Variants in RBFOX1 observed in about 807,000 individuals in gnomAD.
RBFOX1 encodes RNA binding protein fox-1 homolog 1.
Under a neutral mutation model 57.7 loss-of-function variants are expected in RBFOX1, and 8 were observed. The observed-to-expected ratio is 0.14, with a 90% confidence interval of 0.08 to 0.25. The LOEUF is 0.25. Ranked by LOEUF, RBFOX1 falls within the 10% of genes least tolerant of loss-of-function variation. The pLI is 1.00. For missense variants in RBFOX1, 611 were observed against 548.5 expected, an observed-to-expected ratio of 1.11 and a Z score of -1.14; for synonymous variants, 326 against 222.4, an observed-to-expected ratio of 1.47 and a Z score of -4.15.
At chr16:5,920,551 C>T (rs1459972139) in intron 4 of RBFOX1, among the ~76,000 whole-genome samples, 1 of 152,104 alleles carries the variant, frequency 6.6e-6, no homozygotes, top group African/African-American at 2.4e-5. Flanking sequence ...CCATGGTAGC[C>T]TTGACCTGGC....
chr16:5,569,437 CCT>C (rs2046192001), intron 2 of RBFOX1, among the ~76,000 whole-genome samples: 2 of 58,618 alleles, frequency 3.4e-5, no homozygotes, highest in African/African-American at 1.2e-4. Flanking sequence ...TAAGAAGTAA[CCT>C]TTTTTTTTTT....
chr16:5,575,965 G>A (rs1217881853), intron 2 of RBFOX1, among the ~76,000 whole-genome samples: 2 of 151,128 alleles, frequency 1.3e-5, no homozygotes, highest in East Asian at 1.9e-4. Context: ...GAGGGATAGA[G>A]AGATTTGCAG....
intron 2 of RBFOX1, among the ~76,000 whole-genome samples, chr16:6,615,580 A>AG (rs1346471616): frequency 6.6e-6 from 1 of 152,154 alleles, no homozygotes; most frequent in East Asian, 1.9e-4. Flanking sequence ...AAAAAAAAAA[A>AG]AAATCCTCTG....
intron 4 of RBFOX1, among the ~76,000 whole-genome samples, chr16:7,199,079 G>A (rs56059537): frequency 0.098 from 14,952 of 152,172 alleles, 798 homozygotes; most frequent in Non-Finnish European, 0.11. Flanking sequence ...CCACAGGTCC[G>A]TCCTCCTCCC....
intron 4 of RBFOX1, among the ~76,000 whole-genome samples, chr16:7,446,467 A>T (rs2098808427): frequency 6.6e-6 from 1 of 152,202 alleles, no homozygotes; most frequent in Non-Finnish European, 1.5e-5. Context: ...GTGAGTGCTC[A>T]CATTTGCCTG....
chr16:7,122,903 G>A (rs1196833816), intron 4 of RBFOX1, among the ~76,000 whole-genome samples: 1 of 152,138 alleles, frequency 6.6e-6, no homozygotes, highest in Non-Finnish European at 1.5e-5. Flanking sequence ...TGACAACTTG[G>A]ATCTATTTCA....
chr16:7,330,578 T>G (rs951240636), intron 4 of RBFOX1, among the ~76,000 whole-genome samples: 2 of 151,586 alleles, frequency 1.3e-5, no homozygotes, highest in African/African-American at 4.8e-5. Context: ...GATCACTATC[T>G]TCTCTGCAGT....
intron 3 of RBFOX1, among the ~76,000 whole-genome samples, chr16:6,790,168 TCTA>T (rs918862244): frequency 2.0e-4 from 14 of 68,582 alleles, no homozygotes; most frequent in African/African-American, 1.1e-3. Flanking sequence ...TTTATTTTAT[TCTA>T]TTATTATTAT....
At chr16:6,954,506 T>A (rs1051168162) in intron 3 of RBFOX1, among the ~76,000 whole-genome samples, 1 of 152,124 alleles carries the variant, frequency 6.6e-6, no homozygotes, top group African/African-American at 2.4e-5. Context: ...TTTGTTTTAA[T>A]AAAAAGGGGG....
intron 1 of RBFOX1, among the ~76,000 whole-genome samples, chr16:6,168,264 A>G (rs904604559): frequency 1.3e-5 from 2 of 152,224 alleles, no homozygotes; most frequent in African/African-American, 4.8e-5. Context: ...GAAATCGTGC[A>G]TGGTGCGGAG....
Position 7,329,381 on chromosome 16 carries a change from C to A in RBFOX1, c.28-188766C>A, listed in dbSNP as rs200213451. On this transcript the variant is annotated intron_variant, in intron 4 of 15. Transcript: ENST00000550418. ...ATACCACATAATAGATGTTGAGTAG[C>A]CCGACATTTGCCATGAACCATGTGC... is the stretch of plus-strand genomic sequence containing the variant. Among the ~76,000 whole-genome samples, 24 of 152,254 alleles carry A rather than the reference C, an allele frequency of 1.6e-4. 1 individual carries two copies. In the East Asian group the frequency reaches 4.4e-3, roughly 28 times the overall value.
chr16:6,232,963 T>C (rs1292536269), intron 1 of RBFOX1, among the ~76,000 whole-genome samples: 5 of 152,156 alleles, frequency 3.3e-5, no homozygotes, highest in Non-Finnish European at 7.4e-5. Flanking sequence ...ACTCTCAATA[T>C]GGGCAGGGTA....
intron 4 of RBFOX1, among the ~76,000 whole-genome samples, chr16:7,418,806 G>C (rs7188657): frequency 0.65 from 98,990 of 151,674 alleles, 32,738 homozygotes; most frequent in East Asian, 0.88. Flanking sequence ...GTCTTCCTCT[G>C]TCTCTCTCAC....
chr16:6,261,506 C>G (rs1027034777), intron 1 of RBFOX1, among the ~76,000 whole-genome samples: 12 of 152,192 alleles, frequency 7.9e-5, no homozygotes, highest in African/African-American at 2.9e-4. Flanking sequence ...GTACAGCAGA[C>G]AAACAGAAAC....
intron 4 of RBFOX1, among the ~76,000 whole-genome samples, chr16:5,874,709 C>T (rs1422073861): frequency 1.3e-5 from 2 of 152,088 alleles, no homozygotes; most frequent in Non-Finnish European, 1.5e-5. Context: ...CTTGGGGAGG[C>T]AGAGACAGGA....
At chr16:7,505,679 C>T (rs940758428) in intron 4 of RBFOX1, among the ~76,000 whole-genome samples, 7 of 152,106 alleles carry the variant, frequency 4.6e-5, no homozygotes, top group African/African-American at 1.7e-4. Flanking sequence ...GCAAGTCGAC[C>T]GCCCACTCGG....
intron 4 of RBFOX1, among the ~76,000 whole-genome samples, chr16:7,439,753 C>T (rs890075382): frequency 6.6e-6 from 1 of 152,128 alleles, no homozygotes; most frequent in Non-Finnish European, 1.5e-5. Context: ...CATGCATATT[C>T]TTTCCTGAGC....
intron 3 of RBFOX1, among the ~76,000 whole-genome samples, chr16:5,679,169 A>T (rs141979629): frequency 2.0e-5 from 3 of 152,200 alleles, no homozygotes; most frequent in Admixed American, 6.5e-5. Context: ...GGGCAAGGCT[A>T]TTGAAAGTAC....
At chr16:7,376,596 G>A (rs1412617420) in intron 4 of RBFOX1, among the ~76,000 whole-genome samples, 1 of 152,162 alleles carries the variant, frequency 6.6e-6, no homozygotes, top group Non-Finnish European at 1.5e-5. Flanking sequence ...ACCAGGGGAT[G>A]TCATGTTATG....
Sources: gnomAD v4.1 joint callset for allele counts (sites outside exome capture counted in the v4.1 genomes callset) on GRCh38, gnomAD v4.1.1 for gene constraint, MANE v1.5 for transcripts, NCBI Gene and HGNC (gene_info 2026-07-23, HGNC 2026-07-21) for gene names.